Variants in OTUD7A observed in about 807,000 individuals in gnomAD.
OTUD7A encodes OTU domain-containing protein 7A.
Under a neutral mutation model 65.7 loss-of-function variants are expected in OTUD7A, and 12 were observed. That is an observed-to-expected ratio of 0.18 (90% CI 0.12 to 0.30). OTUD7A has a LOEUF of 0.30. OTUD7A is among the 10% of genes least tolerant of loss of function. The pLI, the probability that OTUD7A is intolerant of heterozygous loss-of-function variation, is 1.00. For missense variants in OTUD7A, 1,148 were observed against 1,304.8 expected (o/e 0.88, Z 1.85); for synonymous variants, 641 against 586.3 (o/e 1.09, Z -1.35).
At chr15:31,857,424 A>G (rs1897604870) in intron 1 of OTUD7A, among the ~76,000 whole-genome samples, 1 of 152,042 alleles carries the variant, frequency 6.6e-6, no homozygotes, top group South Asian at 2.1e-4. Context: ...ACTCTCACCC[A>G]GGCCTGGCCT....
chr15:31,584,756 T>C (rs1889477770), intron 3 of OTUD7A, among the ~76,000 whole-genome samples: 1 of 152,118 alleles, frequency 6.6e-6, no homozygotes, highest in Admixed American at 6.6e-5. Flanking sequence ...GGGTGCCCAA[T>C]AGATGCAGTG....
intron 1 of OTUD7A, among the ~76,000 whole-genome samples, chr15:31,690,959 T>C (rs535753339): frequency 6.6e-6 from 1 of 152,178 alleles, no homozygotes; most frequent in East Asian, 1.9e-4. Context: ...TTAAAAACTT[T>C]TGTGTACCAA....
chr15:31,683,245 A>G (rs1367497794), intron 1 of OTUD7A, among the ~76,000 whole-genome samples: 1 of 152,244 alleles, frequency 6.6e-6, no homozygotes, highest in Admixed American at 6.5e-5. Context: ...AAAATAAAAA[A>G]ATAAACATAA....
At chr15:31,504,090 G>A (rs2041518401) in intron 8 of OTUD7A, among the ~76,000 whole-genome samples, 1 of 152,240 alleles carries the variant, frequency 6.6e-6, no homozygotes, top group East Asian at 1.9e-4. Flanking sequence ...GTGAAGGCGA[G>A]TCTCTCTGCA....
chr15:31,774,778 G>A (rs1895328420), intron 1 of OTUD7A, among the ~76,000 whole-genome samples: 1 of 152,214 alleles, frequency 6.6e-6, no homozygotes, highest in South Asian at 2.1e-4. Context: ...TTTAGGAAAG[G>A]AAGATGTATT....
intron 5 of OTUD7A, among the ~76,000 whole-genome samples, chr15:31,531,820 T>TA (rs1887634180): frequency 6.6e-6 from 1 of 152,106 alleles, no homozygotes; most frequent in South Asian, 2.1e-4. Flanking sequence ...CACTGGGTGG[T>TA]AATAAGCACC....
At chr15:31,794,713 C>G (rs1261724091) in intron 1 of OTUD7A, among the ~76,000 whole-genome samples, 2 of 152,232 alleles carry the variant, frequency 1.3e-5, no homozygotes, top group Middle Eastern at 6.8e-3. Flanking sequence ...CACCTCGCCC[C>G]CCAGCCCACC....
chr15:31,834,185 G>A (rs1897000388), intron 1 of OTUD7A, among the ~76,000 whole-genome samples: 1 of 152,198 alleles, frequency 6.6e-6, no homozygotes, highest in African/African-American at 2.4e-5. Flanking sequence ...TCCTTCCTCT[G>A]GGTTGAAACA....
At chr15:31,812,038 C>G (rs114694927) in intron 1 of OTUD7A, among the ~76,000 whole-genome samples, 2,138 of 152,302 alleles carry the variant, frequency 0.014, 52 homozygotes, top group African/African-American at 0.049. Flanking sequence ...AGGGATGGGG[C>G]AGGTGGTGAC....
chr15:31,793,477 T>G (rs1895872514), intron 1 of OTUD7A, among the ~76,000 whole-genome samples: 1 of 152,222 alleles, frequency 6.6e-6, no homozygotes, highest in African/African-American at 2.4e-5. Context: ...CATTGTTATC[T>G]TCTTCTTAGA....
At chr15:31,546,603 G>A (rs2141140508) in intron 5 of OTUD7A, among the ~76,000 whole-genome samples, 1 of 152,266 alleles carries the variant, frequency 6.6e-6, no homozygotes, top group Non-Finnish European at 1.5e-5. Context: ...GAATTGGCCA[G>A]CACCTTGATC....
At chr15:31,568,694 T>C (rs1222424616) in intron 4 of OTUD7A, among the ~76,000 whole-genome samples, 2 of 151,934 alleles carry the variant, frequency 1.3e-5, no homozygotes, top group Non-Finnish European at 2.9e-5. Flanking sequence ...TAGTGGGAGG[T>C]GTTTGGATCA....
Position 31,481,450 on chromosome 15 carries a change from G to A in OTUD7A, c.*1844C>T, listed in dbSNP as rs558919683. The A allele has an allele frequency of 6.6e-6, 1 of 152,234 alleles. No homozygotes were observed. Among genetic ancestry groups the A allele is most frequent in the Non-Finnish European group, 1.5e-5 (1 of 68,010 alleles). 9.4% of individuals were successfully genotyped at this position (152,234 alleles called of 1,614,324 possible). On this transcript the variant is annotated 3_prime_UTR_variant, in exon 13 of 13. Coordinates refer to ENST00000307050, the MANE Select transcript of OTUD7A (RefSeq NM_001382637.1). ...ATGAGATTTTTAAAAAACCACTTTT[G>A]TTTTCTGAGTAATAAAAGAAACCCC...
intron 3 of OTUD7A, among the ~76,000 whole-genome samples, chr15:31,625,981 A>T (rs933252185): frequency 6.2e-5 from 8 of 129,070 alleles, no homozygotes; most frequent in African/African-American, 3.3e-4. Flanking sequence ...TCAATCTAGG[A>T]ATGCAAAAAA....
intron 3 of OTUD7A, among the ~76,000 whole-genome samples, chr15:31,641,955 T>C (rs961397694): frequency 6.6e-6 from 1 of 152,230 alleles, no homozygotes; most frequent in Non-Finnish European, 1.5e-5. Context: ...AAATGTTGGA[T>C]AGAAGTAGTG....
Position 31,734,394 on chromosome 15 carries a change from G to GA in OTUD7A, c.-99-77318dup, listed in dbSNP as rs561362387. Among the ~76,000 whole-genome samples, 432 of 152,222 alleles carry GA rather than the reference G, an allele frequency of 2.8e-3. 4 individuals are homozygous for GA. The highest frequency in any genetic ancestry group is 0.017 in the Middle Eastern group (5 of 294). ...ACCATTGAGATTCTTCATAGAACTA[G>GA]AAAAAAGTATCTTAAATTTCATATG... On this transcript the variant is annotated intron_variant, in intron 1 of 12. Transcript: ENST00000307050.
intron 5 of OTUD7A, among the ~76,000 whole-genome samples, chr15:31,535,929 C>G (rs1444070645): frequency 1.3e-5 from 2 of 152,084 alleles, no homozygotes; most frequent in African/African-American, 4.8e-5. Context: ...ATCCGCCCAC[C>G]TCAGTCTCCC....
chr15:31,775,461 C>T (rs761894630), intron 1 of OTUD7A, among the ~76,000 whole-genome samples: 1 of 152,212 alleles, frequency 6.6e-6, no homozygotes, highest in East Asian at 1.9e-4. Context: ...TCTGTAAGTG[C>T]TGTGACTACA....
intron 1 of OTUD7A, among the ~76,000 whole-genome samples, chr15:31,755,583 G>A (rs1470781772): frequency 6.6e-6 from 1 of 152,044 alleles, no homozygotes; most frequent in African/African-American, 2.4e-5. Context: ...TTAGCCAGGC[G>A]TGCTGGCGGG....
Sources: allele counts gnomAD v4.1 joint callset (sites outside exome capture counted in the v4.1 genomes callset), GRCh38; gene constraint gnomAD v4.1.1; transcripts MANE v1.5; gene names NCBI Gene and HGNC (gene_info 2026-07-23, HGNC 2026-07-21).